Variants in ST18 observed in about 807,000 individuals in gnomAD.
ST18 encodes the protein ST18 C2H2C-type zinc finger transcription factor.
ST18 carries 50 observed loss-of-function variants against 110.0 expected under a neutral mutation model. The ratio of observed to expected loss-of-function variants is 0.45; its 90% CI spans 0.36 to 0.58. The LOEUF is 0.58. ST18 is among the 20% of genes least tolerant of loss of function. The probability of loss-of-function intolerance (pLI) is 0.00; values close to 1 mark genes in which losing one functional copy is unlikely to be tolerated. For missense variants in ST18, 1,306 were observed against 1,280.1 expected (o/e 1.02, Z -0.31); for synonymous variants, 461 against 452.4 (o/e 1.02, Z -0.24).
At chr8:52,305,501 A>C (rs2095798380) in intron 2 of ST18, among the ~76,000 whole-genome samples, 2 of 152,186 alleles carry the variant, frequency 1.3e-5, no homozygotes, top group Non-Finnish European at 2.9e-5. Context: ...CTCTTTTCTG[A>C]ACTCACTTGT....
At position 52,142,950 on chromosome 8, in the gene ST18, A is replaced by T; in HGVS notation, c.2148T>A (p.Asp716Glu). ...PSPKPKLHARDLKKELITCPT... is the reference protein window; with the variant it reads ...PSPKPKLHARELKKELITCPT... Reference sequence around the variant, plus strand: ...CTTACGTGATTAGTTCCTTTTTGAGATCTCTTGCATGAAGCTTGGGTTTAG... The same window carrying T: ...CTTACGTGATTAGTTCCTTTTTGAGTTCTCTTGCATGAAGCTTGGGTTTAG... The change falls in exon 17 of 26, where the codon GAT becomes GAA. Residue 716 changes from aspartate to glutamate, a missense_variant. Physicochemically the swap from Asp to Glu is conservative, Grantham distance 45. Coordinates refer to ENST00000689386, the MANE Select transcript of ST18 (RefSeq NM_001352837.2). 6.2e-7 allele frequency: 1 copy of T among 1,613,678 alleles called. No homozygotes were observed. The highest frequency in any genetic ancestry group is 1.1e-5 in the South Asian group (1 of 91,040).
At chr8:52,171,614 G>A in intron 10 of ST18, 178 bp downstream of exon 10, 1 of 740,952 alleles carries the variant, frequency 1.3e-6, no homozygotes, top group Non-Finnish European at 2.3e-6. Flanking sequence ...CAGCTTGATT[G>A]GAGGATAATC....
intron 2 of ST18, among the ~76,000 whole-genome samples, chr8:52,370,892 C>T (rs996183550): frequency 5.3e-5 from 8 of 152,166 alleles, no homozygotes; most frequent in African/African-American, 1.9e-4. Context: ...CCAACTGATC[C>T]AGTCTATGTA....
At chr8:52,399,302 T>A (rs1337318500) in intron 2 of ST18, among the ~76,000 whole-genome samples, 1 of 152,042 alleles carries the variant, frequency 6.6e-6, no homozygotes, top group Non-Finnish European at 1.5e-5. Context: ...TCATTAGTGA[T>A]TTTATTTGTT....
intron 2 of ST18, among the ~76,000 whole-genome samples, chr8:52,350,629 A>G (rs894303503): frequency 6.6e-6 from 1 of 152,158 alleles, no homozygotes; most frequent in Non-Finnish European, 1.5e-5. Flanking sequence ...GTTCCCAGAC[A>G]GGAAGTGGGG....
chr8:52,131,206 G>T (rs1016622957), intron 22 of ST18, among the ~76,000 whole-genome samples: 1 of 152,150 alleles, frequency 6.6e-6, no homozygotes, highest in African/African-American at 2.4e-5. Flanking sequence ...AACATTAACG[G>T]TTTCCTAAAG....
intron 9 of ST18, among the ~76,000 whole-genome samples, chr8:52,172,955 C>T (rs1587709861): frequency 6.6e-6 from 1 of 152,066 alleles, no homozygotes; most frequent in African/African-American, 2.4e-5. Flanking sequence ...TGTTACTGTA[C>T]TTCTTAGGTT....
chr8:52,262,898 A>G (rs1000087245), intron 2 of ST18, among the ~76,000 whole-genome samples: 2 of 152,214 alleles, frequency 1.3e-5, no homozygotes, highest in Non-Finnish European at 2.9e-5. Context: ...TTTGCAAGGC[A>G]TAAGTGACTG....
At chr8:52,295,065 G>A (rs2095611203) in intron 2 of ST18, among the ~76,000 whole-genome samples, 1 of 152,248 alleles carries the variant, frequency 6.6e-6, no homozygotes, top group East Asian at 1.9e-4. Flanking sequence ...TAAGGAGCCT[G>A]CCAGGCAGCA....
intron 2 of ST18, among the ~76,000 whole-genome samples, chr8:52,250,445 CAAAAAAAAAAA>C (rs1159770176): frequency 9.4e-4 from 4 of 4,278 alleles, no homozygotes; most frequent in African/African-American, 2.9e-3. Context: ...GCCTCAAAGG[CAAAAAAAAAAA>C]AAAAAAAAAA....
intron 2 of ST18, among the ~76,000 whole-genome samples, chr8:52,396,569 G>T (rs780448477): frequency 9.9e-5 from 15 of 152,146 alleles, no homozygotes; most frequent in African/African-American, 3.6e-4. Flanking sequence ...GTTCCACATG[G>T]CTGGGGGAGG....
chr8:52,330,218 A>G (rs998919637), intron 2 of ST18, among the ~76,000 whole-genome samples: 2 of 152,164 alleles, frequency 1.3e-5, no homozygotes, highest in Non-Finnish European at 2.9e-5. Flanking sequence ...TAATGTCCTG[A>G]GGAACCAGGT....
intron 8 of ST18, among the ~76,000 whole-genome samples, chr8:52,189,203 A>T (rs1218345637): frequency 6.6e-6 from 1 of 152,156 alleles, no homozygotes. Context: ...TGCACAGGCC[A>T]AAAGGAGCTG....
chr8:52,130,536 T>C (rs2049154494), intron 22 of ST18, among the ~76,000 whole-genome samples: 1 of 152,224 alleles, frequency 6.6e-6, no homozygotes, highest in Non-Finnish European at 1.5e-5. Context: ...ACTGCTCAGA[T>C]GTGGTCAGAC....
chr8:52,207,216 T>A (rs902149226), intron 8 of ST18, among the ~76,000 whole-genome samples: 1 of 152,244 alleles, frequency 6.6e-6, no homozygotes, highest in African/African-American at 2.4e-5. Flanking sequence ...CCAGGCATGG[T>A]GGCTCACACC....
At chr8:52,163,035 A>G (rs1407621545) in intron 13 of ST18, among the ~76,000 whole-genome samples, 1 of 152,224 alleles carries the variant, frequency 6.6e-6, no homozygotes, top group Non-Finnish European at 1.5e-5. Context: ...AGAAATGAGC[A>G]AAATGAAATT....
At chr8:52,312,508 C>G (rs1353726263) in intron 2 of ST18, among the ~76,000 whole-genome samples, 2 of 152,168 alleles carry the variant, frequency 1.3e-5, no homozygotes, top group Non-Finnish European at 2.9e-5. Flanking sequence ...ATGGTGTTCC[C>G]TATCATATCT....
chr8:52,223,051 C>T (rs1184802054), intron 3 of ST18, among the ~76,000 whole-genome samples: 2 of 152,166 alleles, frequency 1.3e-5, no homozygotes, highest in Non-Finnish European at 2.9e-5. Context: ...AAAGTGTGCT[C>T]TCTGATGATG....
intron 24 of ST18, among the ~76,000 whole-genome samples, chr8:52,118,047 C>G (rs553917584): frequency 4.6e-5 from 7 of 152,080 alleles, no homozygotes; most frequent in African/African-American, 1.7e-4. Context: ...CATTTTTTTT[C>G]TAATGCACCA....
Sources: allele counts gnomAD v4.1 joint callset (sites outside exome capture counted in the v4.1 genomes callset), GRCh38; gene constraint gnomAD v4.1.1; transcripts MANE v1.5; gene names NCBI Gene and HGNC (gene_info 2026-07-23, HGNC 2026-07-21).